The following PON3 variants were observed in gnomAD, a reference collection of about 807,000 sequenced individuals.
PON3 encodes the protein paraoxonase 3, also known as serum paraoxonase/lactonase 3.
Under a neutral mutation model 36.3 loss-of-function variants are expected in PON3, and 37 were observed. The observed-to-expected ratio is 1.02, with a 90% CI of 0.78 to 1.34. The LOEUF is 1.34. Among genes scored for constraint, PON3 ranks in the 40% most tolerant of loss-of-function variants. The probability of loss-of-function intolerance (pLI) is 0.00; values close to 1 mark genes in which losing one functional copy is unlikely to be tolerated. For missense variants in PON3, 415 were observed against 426.5 expected, an observed-to-expected ratio of 0.97 and a Z score of 0.24; for synonymous variants, 155 against 154.8, an observed-to-expected ratio of 1.00 and a Z score of -0.01.
At chr7:95,385,353 A>G (rs576367197) in intron 3 of PON3, among the ~76,000 whole-genome samples, 1 of 152,222 alleles carries the variant, frequency 6.6e-6, no homozygotes. Flanking sequence ...AAAGTATAAT[A>G]AAAAATATAT....
At chr7:95,395,499 GAAGT>G (rs1809409535) in intron 1 of PON3, among the ~76,000 whole-genome samples, 1 of 152,074 alleles carries the variant, frequency 6.6e-6, no homozygotes, top group African/African-American at 2.4e-5. Context: ...TCTCAAACTG[GAAGT>G]ATTACTAATA....
intron 4 of PON3, among the ~76,000 whole-genome samples, chr7:95,368,936 A>G (rs1808754994): frequency 6.6e-6 from 1 of 152,196 alleles, no homozygotes; most frequent in Non-Finnish European, 1.5e-5. Context: ...TCTCCAATGC[A>G]GAATCTTATG....
intron 3 of PON3, among the ~76,000 whole-genome samples, chr7:95,387,132 C>T (rs1001056749): frequency 6.6e-6 from 1 of 152,106 alleles, no homozygotes; most frequent in African/African-American, 2.4e-5. Flanking sequence ...GAAATTCTGG[C>T]CAGGGCAATT....
intron 3 of PON3, among the ~76,000 whole-genome samples, chr7:95,379,129 T>C (rs1482979112): frequency 6.6e-6 from 1 of 150,576 alleles, no homozygotes; most frequent in African/African-American, 2.4e-5. Context: ...AAACAGATTT[T>C]AAACTAACAA....
chr7:95,364,341 A>C (rs1025046217), intron 5 of PON3: 3 of 467,110 alleles, frequency 6.4e-6, no homozygotes, highest in African/African-American at 5.9e-5. Flanking sequence ...AAATCTGTTG[A>C]CTTGTAAATG....
chr7:95,385,486 C>T (rs916071650), intron 3 of PON3, among the ~76,000 whole-genome samples: 2 of 152,136 alleles, frequency 1.3e-5, no homozygotes, highest in African/African-American at 4.8e-5. Flanking sequence ...TTTAACACCC[C>T]ACTGTCAATA....
Position 95,363,856 on chromosome 7 carries a change from A to G in PON3, c.695+7T>C, listed in dbSNP as rs765743154. 7 of 1,611,734 alleles carry G rather than the reference A, an allele frequency of 4.3e-6. No homozygotes were observed. The highest frequency in any genetic ancestry group is 5.9e-6 in the Non-Finnish European group (7 of 1,177,922). ...CAAAGGATAGAAAAATACACAAAAGAGCTTACTTCTGGTCTGCTGAGACTG... is the reference window on the plus strand; with the variant it reads ...CAAAGGATAGAAAAATACACAAAAGGGCTTACTTCTGGTCTGCTGAGACTG... On this transcript the variant is annotated splice_region_variant and intron_variant, in intron 6 of 8. Coordinates refer to ENST00000265627, the MANE Select transcript of PON3 (RefSeq NM_000940.3).
Position 95,359,985 on chromosome 7 carries a change from G to A in PON3, c.1053C>T (p.Tyr351=), listed in dbSNP as rs144898523. 33 of 1,605,008 alleles carry A rather than the reference G, an allele frequency of 2.1e-5. No homozygotes were observed. The African/African-American group carries it at 4.1e-4, about 20-fold the overall frequency. The change falls in exon 9 of 9, where the codon TAC becomes TAT. Residue 351 remains tyrosine, a synonymous_variant. Transcript: ENST00000265627. ...TACTATCTAGAGTCTAGAGCTCACA[G>A]TACAGAGTTTTGTGAAATACGGTGC... is the stretch of plus-strand genomic sequence containing the variant. ...LIGTVFHKTL[Y]CEL is the part of the protein sequence containing the mutation.
intron 3 of PON3, among the ~76,000 whole-genome samples, chr7:95,386,813 A>T (rs1311213310): frequency 1.3e-5 from 2 of 152,218 alleles, no homozygotes; most frequent in Non-Finnish European, 2.9e-5. Context: ...CATCCCAGAG[A>T]TGCAAGGCTG....
intron 4 of PON3, among the ~76,000 whole-genome samples, chr7:95,368,659 A>G (rs928087045): frequency 6.6e-6 from 1 of 152,148 alleles, no homozygotes; most frequent in Non-Finnish European, 1.5e-5. Context: ...TTCTATATGT[A>G]ATATTTTGGC....
intron 4 of PON3, among the ~76,000 whole-genome samples, chr7:95,368,701 GACAA>G (rs1808747854): frequency 1.3e-5 from 2 of 150,238 alleles, no homozygotes. Flanking sequence ...TAAGGGAGAT[GACAA>G]ACAAATAAGA....
chr7:95,362,813 T>G lies in PON3; in HGVS notation c.724A>C (p.Lys242Gln), dbSNP rs749953076. ...KYVYVADVAA[K>Q]NIHIMEKHDN... is the part of the protein sequence containing the mutation. ...TGTTTTTCCATTATGTGAATGTTCT[T>G]AGCTGCTACATCAGCTACATAGACA... Residue 242 changes from lysine (K) to glutamine (Q), a missense_variant, in exon 7 of 9, where the codon AAG (lysine) becomes CAG (glutamine). By Grantham distance (53) the Lys-to-Gln change is moderately conservative. Transcript: ENST00000265627. 1.2e-6 allele frequency: 2 copies of G among 1,611,868 alleles called. No homozygotes were observed. The highest frequency in any genetic ancestry group is 1.7e-6 in the Non-Finnish European group (2 of 1,178,220).
intron 3 of PON3, among the ~76,000 whole-genome samples, chr7:95,386,634 G>T (rs1321662538): frequency 6.8e-6 from 1 of 146,894 alleles, no homozygotes; most frequent in African/African-American, 2.7e-5. Flanking sequence ...CATTTTATGA[G>T]GCTAGCATCT....
At chr7:95,395,439 T>G (rs986737976) in intron 1 of PON3, among the ~76,000 whole-genome samples, 1 of 152,212 alleles carries the variant, frequency 6.6e-6, no homozygotes, top group Non-Finnish European at 1.5e-5. Context: ...ATTACTATTA[T>G]TTTATGATTC....
In PON3 at chr7:95,362,415, G is replaced by C. The variant is rs1304723606; in HGVS notation, c.853C>G (p.Pro285Ala). 15 of 1,613,728 alleles carry C rather than the reference G, an allele frequency of 9.3e-6. No homozygotes were observed. Among genetic ancestry groups the C allele is most frequent in the Non-Finnish European group, 1.2e-5 (14 of 1,179,744 alleles). Residue 285 changes from proline to alanine, a missense_variant, in exon 8 of 9, where the codon CCT becomes GCT. Transcript: ENST00000265627. Reference sequence around the variant, plus strand: ...TAGTTCAGTAGCTTCATAGGATTAGGATGGCATCCTGCCAAAATGTCTCCT... The same window carrying C: ...TAGTTCAGTAGCTTCATAGGATTAGCATGGCATCCTGCCAAAATGTCTCCT... ...ATGDILAGCH[P>A]NPMKLLNYNP...
At chr7:95,381,385 C>A (rs1227089213) in intron 3 of PON3, among the ~76,000 whole-genome samples, 2 of 152,210 alleles carry the variant, frequency 1.3e-5, no homozygotes, top group African/African-American at 4.8e-5. Context: ...GCTAAATGCT[C>A]CAATTAAAAG....
chr7:95,376,617 T>C (rs1808918101), intron 3 of PON3, among the ~76,000 whole-genome samples: 1 of 151,698 alleles, frequency 6.6e-6, no homozygotes, highest in African/African-American at 2.4e-5. Context: ...TAGCAATGAT[T>C]CAGAACTTTT....
chr7:95,387,663 C>G (rs181953098), intron 3 of PON3, among the ~76,000 whole-genome samples: 1 of 152,092 alleles, frequency 6.6e-6, no homozygotes, highest in African/African-American at 2.4e-5. Context: ...AATAAGGGCC[C>G]GCATAGCCAA....
At chr7:95,394,913 A>G (rs984158524) in intron 1 of PON3, among the ~76,000 whole-genome samples, 199 bp from the exon 2 acceptor site, 16 of 152,202 alleles carry the variant, frequency 1.1e-4, no homozygotes, top group African/African-American at 2.7e-4. Context: ...TATATCAGCT[A>G]ACCTTACCCA....
Sources: allele counts gnomAD v4.1 joint callset (sites outside exome capture counted in the v4.1 genomes callset), GRCh38; gene constraint gnomAD v4.1.1; transcripts MANE v1.5; gene names NCBI Gene and HGNC (gene_info 2026-07-23, HGNC 2026-07-21).